The following DPP6 variants were observed in gnomAD, a reference collection of about 807,000 sequenced individuals.
The protein encoded by DPP6 is dipeptidyl peptidase like 6.
A neutral mutation model predicts 122.6 loss-of-function variants in DPP6; 69 were observed. That is an observed-to-expected ratio of 0.56 (90% CI 0.46 to 0.69). The LOEUF (loss-of-function observed/expected upper bound fraction) is 0.69, where lower values mean the gene tolerates loss of function less well. DPP6 is among the 30% of genes least tolerant of loss of function. The pLI is 0.00. For synonymous variants in DPP6, 418 were observed against 433.1 expected (o/e 0.97, Z 0.43); for missense variants, 928 against 1,116.9 (o/e 0.83, Z 2.41).
chr7:153,936,368 G>A (rs78164955), intron 1 of DPP6, among the ~76,000 whole-genome samples: 4,614 of 152,228 alleles, frequency 0.03, 233 homozygotes, highest in African/African-American at 0.1. Context: ...GGATGGGGCT[G>A]GGGTGGGGAA....
chr7:154,786,518 T>G (rs1797348050), intron 10 of DPP6, among the ~76,000 whole-genome samples: 10 of 152,202 alleles, frequency 6.6e-5, no homozygotes, highest in Admixed American at 6.5e-4. Context: ...GATGGTTTTA[T>G]AAGGGGCTTT....
At chr7:154,659,290 T>C (rs1432387925) in intron 6 of DPP6, among the ~76,000 whole-genome samples, 2 of 152,210 alleles carry the variant, frequency 1.3e-5, no homozygotes, top group Non-Finnish European at 2.9e-5. Flanking sequence ...ATATCTGACA[T>C]ATTACTGGGC....
chr7:153,895,115 A>G (rs966431679), intron 1 of DPP6, among the ~76,000 whole-genome samples: 6 of 152,228 alleles, frequency 3.9e-5, no homozygotes, highest in African/African-American at 1.4e-4. Flanking sequence ...AAGAAATTCA[A>G]TTGTCCTCCT....
chr7:153,896,562 T>G (rs186232754), intron 1 of DPP6, among the ~76,000 whole-genome samples: 1 of 152,170 alleles, frequency 6.6e-6, no homozygotes, highest in Non-Finnish European at 1.5e-5. Flanking sequence ...CTCAGCACTT[T>G]GGGAGGCTGA....
chr7:154,207,531 A>G (rs1182301449), intron 1 of DPP6, among the ~76,000 whole-genome samples: 1 of 152,302 alleles, frequency 6.6e-6, no homozygotes, highest in East Asian at 1.9e-4. Context: ...ACCTCTGAAG[A>G]CCAGAGGCAT....
intron 1 of DPP6, among the ~76,000 whole-genome samples, chr7:153,909,422 C>A (rs773497670): frequency 0.21 from 30,879 of 146,832 alleles, 3,674 homozygotes; most frequent in East Asian, 0.3. Context: ...CATGCTTTTA[C>A]ATTTATCTAT....
At chr7:153,841,956 G>C in the DPP6 span, among the ~76,000 whole-genome samples, 1 of 152,148 alleles carries the variant, frequency 6.6e-6, no homozygotes, top group Non-Finnish European at 1.5e-5. Context: ...TCTTCTATAT[G>C]ATTCTCTAAT....
chr7:154,153,770 A>G (rs927908612), intron 1 of DPP6, among the ~76,000 whole-genome samples: 2 of 152,260 alleles, frequency 1.3e-5, no homozygotes, highest in African/African-American at 4.8e-5. Context: ...TAGTCAACAC[A>G]TAGATGAACG....
chr7:154,276,728 G>T lies in DPP6; in HGVS notation c.244-169486G>T, dbSNP rs570354593. 1.1e-4 allele frequency among the ~76,000 whole-genome samples: 16 copies of T among 152,312 alleles called. No individual in the cohort carries two copies. In the South Asian group the frequency reaches 3.3e-3, roughly 32 times the overall value. On this transcript the variant is annotated intron_variant, in intron 1 of 25. Coordinates refer to ENST00000377770, the MANE Select transcript of DPP6 (RefSeq NM_130797.4). ...CAGAATTAACTAATACTGAGCTGTT[G>T]CTCCTAGTGGAAATGTAAGGTTAGG... is the stretch of plus-strand genomic sequence containing the variant.
chr7:154,457,212 C>CA (rs1436605163), intron 2 of DPP6, among the ~76,000 whole-genome samples: 1 of 67,880 alleles, frequency 1.5e-5, no homozygotes, highest in Non-Finnish European at 2.9e-5. Flanking sequence ...CCAAAAAACA[C>CA]ATGAAGAAAT....
At chr7:154,553,657 GT>G (rs1829797319) in intron 4 of DPP6, among the ~76,000 whole-genome samples, 1 of 152,126 alleles carries the variant, frequency 6.6e-6, no homozygotes, top group Non-Finnish European at 1.5e-5. Context: ...AGTCAGCTTT[GT>G]CTAGTTCCAA....
At chr7:154,411,540 C>A (rs962359980) in intron 1 of DPP6, among the ~76,000 whole-genome samples, 4 of 152,152 alleles carry the variant, frequency 2.6e-5, no homozygotes, top group Non-Finnish European at 5.9e-5. Context: ...AGTGCTTGGC[C>A]TCAATTTTTA....
At chr7:154,247,419 A>G (rs1802051318) in intron 1 of DPP6, among the ~76,000 whole-genome samples, 2 of 152,222 alleles carry the variant, frequency 1.3e-5, no homozygotes, top group Non-Finnish European at 2.9e-5. Flanking sequence ...CTACAAATCA[A>G]TAATTTATAA....
intron 7 of DPP6, among the ~76,000 whole-genome samples, chr7:154,727,207 G>A (rs997468692): frequency 6.6e-6 from 1 of 152,186 alleles, no homozygotes; most frequent in Admixed American, 6.5e-5. Flanking sequence ...AGGCTACATA[G>A]AAAGCATGGT....
intron 15 of DPP6, among the ~76,000 whole-genome samples, chr7:154,805,588 T>G (rs1798647362): frequency 6.6e-6 from 1 of 152,222 alleles, no homozygotes; most frequent in African/African-American, 2.4e-5. Flanking sequence ...AAAGGCAATT[T>G]CCCTTCTCAA....
chr7:153,914,362 C>CTAA (rs2129004515), intron 1 of DPP6, among the ~76,000 whole-genome samples: 1 of 152,246 alleles, frequency 6.6e-6, no homozygotes, highest in East Asian at 1.9e-4. Flanking sequence ...TGAGAACAGA[C>CTAA]TAATACATAT....
chr7:154,459,329 A>G (rs1460880618), intron 2 of DPP6, among the ~76,000 whole-genome samples: 6 of 152,132 alleles, frequency 3.9e-5, no homozygotes, highest in African/African-American at 1.4e-4. Context: ...TTATTTCCCT[A>G]TTGGGAGCAC....
intron 8 of DPP6, among the ~76,000 whole-genome samples, chr7:154,762,700 T>A (rs1367412852): frequency 1.3e-5 from 2 of 152,238 alleles, no homozygotes; most frequent in African/African-American, 4.8e-5. Context: ...CCTGTGATCC[T>A]CCTGCTTCAA....
chr7:154,665,146 T>A (rs928431894), intron 6 of DPP6, among the ~76,000 whole-genome samples: 1 of 152,142 alleles, frequency 6.6e-6, no homozygotes, highest in African/African-American at 2.4e-5. Context: ...TCAATTTGGG[T>A]TTTTCCCAGT....
Sources: gnomAD v4.1 joint callset for allele counts (sites outside exome capture counted in the v4.1 genomes callset) on GRCh38, gnomAD v4.1.1 for gene constraint, MANE v1.5 for transcripts, NCBI Gene and HGNC (gene_info 2026-07-23, HGNC 2026-07-21) for gene names.